Variants in CDKL4 observed in about 807,000 individuals in gnomAD.
CDKL4 encodes the protein cyclin-dependent kinase-like 4.
Under a neutral mutation model 42.0 loss-of-function variants are expected in CDKL4, and 44 were observed. That is an observed-to-expected ratio of 1.05 (90% confidence interval 0.82 to 1.35). The LOEUF is 1.35. CDKL4 is among the 40% of genes most tolerant of loss of function. The pLI is 0.00. For synonymous variants in CDKL4, 120 were observed against 121.6 expected (o/e 0.99, Z 0.09); for missense variants, 393 against 369.9 (o/e 1.06, Z -0.51).
At chr2:39,235,721 C>T (rs1679333750) in intron 1 of CDKL4, among the ~76,000 whole-genome samples, 1 of 152,160 alleles carries the variant, frequency 6.6e-6, no homozygotes, top group South Asian at 2.1e-4. Context: ...CCACTGCACT[C>T]CAGCTTGTAG....
intron 4 of CDKL4, among the ~76,000 whole-genome samples, chr2:39,208,540 G>GC (rs1677355363): frequency 6.6e-6 from 1 of 151,706 alleles, no homozygotes; most frequent in African/African-American, 2.4e-5. Context: ...ATGGGGTTTC[G>GC]CCATGTTGGC....
At chr2:39,232,497 A>G (rs1446101334) in intron 1 of CDKL4, among the ~76,000 whole-genome samples, 1 of 152,086 alleles carries the variant, frequency 6.6e-6, no homozygotes, top group Non-Finnish European at 1.5e-5. Context: ...TTCTAAACCA[A>G]ATGCCTTCTC....
chr2:39,190,002 G>C (rs1399256274), intron 6 of CDKL4, among the ~76,000 whole-genome samples: 1 of 152,160 alleles, frequency 6.6e-6, no homozygotes, highest in East Asian at 1.9e-4. Context: ...CTAGGCAGCT[G>C]ACTCATATCC....
At chr2:39,199,165 T>C (rs932213449) in intron 5 of CDKL4, among the ~76,000 whole-genome samples, 33 of 152,136 alleles carry the variant, frequency 2.2e-4, no homozygotes, top group African/African-American at 7.2e-4. Flanking sequence ...ATATTATAAC[T>C]GATACCACAG....
chr2:39,206,457 C>T lies in CDKL4; in HGVS notation c.364-1840G>A, dbSNP rs551210790. Reference sequence around the variant, plus strand: ...ATGACCCTGAATGAAACAGATGCTCCTCGCTGGACAGGAGCGGCCCGGCTA... The same window carrying T: ...ATGACCCTGAATGAAACAGATGCTCTTCGCTGGACAGGAGCGGCCCGGCTA... On this transcript the variant is annotated intron_variant, in intron 4 of 9. Transcript: ENST00000451199. Among the ~76,000 whole-genome samples, 24 of 152,310 alleles carry T rather than the reference C, an allele frequency of 1.6e-4. No individual in the cohort carries two copies. The South Asian group carries it at 2.5e-3, about 16-fold the overall frequency.
rs572868938 is a variant in CDKL4 at position 39,232,132 on chromosome 2, C to T, written c.-56-2544G>A. On this transcript the variant is annotated intron_variant, in intron 1 of 9. Transcript: ENST00000451199. ...TCTTTTTTCTCAACAGATTCAGTAA[C>T]GACTGATTCCTCAGACTAATATTTA... 1.4e-4 allele frequency among the ~76,000 whole-genome samples: 22 copies of T among 152,170 alleles called. No homozygotes were observed. In the East Asian group the frequency reaches 1.7e-3, roughly 12 times the overall value.
intron 2 of CDKL4, among the ~76,000 whole-genome samples, chr2:39,227,802 C>G (rs1678847606): frequency 6.6e-6 from 1 of 152,212 alleles, no homozygotes; most frequent in Non-Finnish European, 1.5e-5. Flanking sequence ...GTCCAATCTC[C>G]TGTCTTTGGG....
intron 4 of CDKL4, among the ~76,000 whole-genome samples, chr2:39,211,468 T>G (rs1485158979): frequency 6.6e-6 from 1 of 152,126 alleles, no homozygotes; most frequent in Non-Finnish European, 1.5e-5. Flanking sequence ...AATCTGAGCA[T>G]GGGAGAGACC....
chr2:39,229,538 C>T (rs777325599), exon 2 of CDKL4: 5 of 1,596,340 alleles, frequency 3.1e-6, no homozygotes, highest in Non-Finnish European at 4.3e-6. Flanking sequence ...TCCATTATAG[C>T]TGAAGTGACT....
chr2:39,213,423 G>A, exon 4 of CDKL4: 4 of 1,607,136 alleles, frequency 2.5e-6, no homozygotes, highest in Admixed American at 1.7e-5. Context: ...CAGAAATTAA[G>A]AGCTTGAAGT....
intron 6 of CDKL4, among the ~76,000 whole-genome samples, chr2:39,189,504 T>C (rs1676045568): frequency 6.6e-6 from 1 of 152,200 alleles, no homozygotes; most frequent in Non-Finnish European, 1.5e-5. Context: ...AATTCTTAAG[T>C]ACTATACAAA....
intron 3 of CDKL4, among the ~76,000 whole-genome samples, chr2:39,225,613 A>T (rs1438102418): frequency 6.6e-6 from 1 of 152,092 alleles, no homozygotes; most frequent in Non-Finnish European, 1.5e-5. Context: ...TTTAGCCTCA[A>T]ATTCATTTTG....
At chr2:39,201,834 G>A (rs760516973) in intron 5 of CDKL4, among the ~76,000 whole-genome samples, 32 of 152,154 alleles carry the variant, frequency 2.1e-4, no homozygotes, top group Non-Finnish European at 2.4e-4. Flanking sequence ...GGACTCAGCC[G>A]AAAGGGTCGG....
intron 8 of CDKL4, among the ~76,000 whole-genome samples, chr2:39,179,942 T>G (rs879755725): frequency 2.6e-5 from 4 of 152,182 alleles, no homozygotes; most frequent in Non-Finnish European, 5.9e-5. Context: ...CCCTTCTATA[T>G]TTGAGACCAT....
At chr2:39,184,555 T>C in intron 8 of CDKL4, 36 bp downstream of exon 8, 1 of 1,492,806 alleles carries the variant, frequency 6.7e-7, no homozygotes, top group Non-Finnish European at 9.3e-7. Flanking sequence ...CATTACAATT[T>C]ATAGCTAATA....
chr2:39,188,662 G>T (rs1380020064), intron 6 of CDKL4, among the ~76,000 whole-genome samples: 1 of 145,344 alleles, frequency 6.9e-6, no homozygotes, highest in Non-Finnish European at 1.5e-5. Flanking sequence ...GAGATTTTAT[G>T]AGACTTCATC....
At chr2:39,200,939 G>C (rs1162227607) in intron 5 of CDKL4, among the ~76,000 whole-genome samples, 2 of 152,026 alleles carry the variant, frequency 1.3e-5, no homozygotes, top group East Asian at 3.9e-4. Context: ...GAACCCAAAA[G>C]CAAATGCAAC....
At chr2:39,236,155 A>T (rs1194223979) in intron 1 of CDKL4, among the ~76,000 whole-genome samples, 4 of 120,798 alleles carry the variant, frequency 3.3e-5, no homozygotes, top group Admixed American at 2.3e-4. Flanking sequence ...ATTTTAGAGT[A>T]AAAAAAAAAA....
intron 1 of CDKL4, among the ~76,000 whole-genome samples, chr2:39,238,840 C>T (rs998756577): frequency 1.3e-5 from 2 of 152,216 alleles, no homozygotes; most frequent in Non-Finnish European, 2.9e-5. Context: ...CAACCTCCGT[C>T]TCCTGGGTTC....
Sources: gnomAD v4.1 joint callset for allele counts (sites outside exome capture counted in the v4.1 genomes callset) on GRCh38, gnomAD v4.1.1 for gene constraint, MANE v1.5 for transcripts, NCBI Gene and HGNC (gene_info 2026-07-23, HGNC 2026-07-21) for gene names.